The following GTF2F2 variants were observed in gnomAD, a reference collection of about 807,000 sequenced individuals.
GTF2F2 encodes general transcription factor IIF subunit 2.
GTF2F2 carries 23 observed loss-of-function variants against 42.2 expected under a neutral mutation model. The observed-to-expected ratio is 0.55, with a 90% CI of 0.39 to 0.77. GTF2F2 has a LOEUF of 0.77. Among genes scored for constraint, GTF2F2 ranks in the 30% least tolerant of loss-of-function variants. GTF2F2 has a pLI of 0.00. For missense variants in GTF2F2, 261 were observed against 287.2 expected (o/e 0.91, Z 0.66); for synonymous variants, 105 against 100.8 (o/e 1.04, Z -0.25).
intron 5 of GTF2F2, among the ~76,000 whole-genome samples, chr13:45,243,096 A>AT (rs1385615920): frequency 6.6e-6 from 1 of 152,236 alleles, no homozygotes; most frequent in African/African-American, 2.4e-5. Flanking sequence ...GTTTCTCGGT[A>AT]TCCCCAGGGG....
chr13:45,143,809 T>C (rs1236907136), intron 2 of GTF2F2, among the ~76,000 whole-genome samples: 1 of 152,228 alleles, frequency 6.6e-6, no homozygotes, highest in Non-Finnish European at 1.5e-5. Flanking sequence ...AGTCCAGTTG[T>C]GAATAAGATG....
intron 4 of GTF2F2, among the ~76,000 whole-genome samples, chr13:45,178,384 G>T (rs1871985279): frequency 6.9e-6 from 1 of 145,860 alleles, no homozygotes; most frequent in Non-Finnish European, 1.5e-5. Flanking sequence ...GTTCTTTTTT[G>T]AATCTGTGAC....
intron 4 of GTF2F2, among the ~76,000 whole-genome samples, chr13:45,189,881 A>G (rs1016760694): frequency 2.0e-5 from 3 of 152,136 alleles, no homozygotes; most frequent in Non-Finnish European, 2.9e-5. Flanking sequence ...GGTATTTGCA[A>G]TACTATTCAG....
Position 45,120,705 on chromosome 13 carries a change from G to C in GTF2F2, c.50G>C (p.Gly17Ala). The change falls in exon 1 of 8, where the codon GGA becomes GCA. Residue 17 changes from glycine to alanine, a missense_variant. By Grantham distance (60) the Gly-to-Ala change is moderately conservative. Coordinates refer to ENST00000340473, the MANE Select transcript of GTF2F2 (RefSeq NM_004128.3). The stretch of plus-strand genomic sequence containing the variant: ...TTGACCGGCGCCAAACAGAACACAG[G>C]AGTGTGGCTAGTCAAGGTAATGTTC... ...LDLTGAKQNTGVWLVKVPKYL... is the reference protein window; with the variant it reads ...LDLTGAKQNTAVWLVKVPKYL... 6.4e-7 allele frequency: 1 copy of C among 1,560,140 alleles called. No homozygotes were observed. Among genetic ancestry groups the C allele is most frequent in the Non-Finnish European group, 8.7e-7 (1 of 1,150,892 alleles).
intron 4 of GTF2F2, among the ~76,000 whole-genome samples, chr13:45,204,750 A>G (rs2138186650): frequency 6.6e-6 from 1 of 152,358 alleles, no homozygotes; most frequent in Admixed American, 6.5e-5. Flanking sequence ...GGAAGTGAAC[A>G]GAGATGTCAG....
chr13:45,208,582 C>T (rs541768609), intron 5 of GTF2F2, among the ~76,000 whole-genome samples: 3 of 152,244 alleles, frequency 2.0e-5, no homozygotes, highest in Non-Finnish European at 4.4e-5. Context: ...TACACTGAAT[C>T]GGTAGTGGAG....
chr13:45,254,126 AGAGAGT>A (rs1875996047), intron 6 of GTF2F2, among the ~76,000 whole-genome samples: 1 of 151,624 alleles, frequency 6.6e-6, no homozygotes. Context: ...AGATATTTTG[AGAGAGT>A]GAGAGAGAGA....
intron 1 of GTF2F2, among the ~76,000 whole-genome samples, chr13:45,129,598 T>C (rs1234418024): frequency 6.6e-6 from 1 of 152,236 alleles, no homozygotes; most frequent in African/African-American, 2.4e-5. Context: ...CCTAGGTATA[T>C]TCCAGTATTG....
intron 7 of GTF2F2, among the ~76,000 whole-genome samples, chr13:45,268,083 A>G (rs971245688): frequency 2.0e-5 from 3 of 152,150 alleles, no homozygotes; most frequent in Non-Finnish European, 4.4e-5. Context: ...TTCTTTTTCT[A>G]GTCTTTGAGT....
intron 4 of GTF2F2, among the ~76,000 whole-genome samples, chr13:45,198,382 G>T (rs1873008069): frequency 1.3e-5 from 2 of 152,206 alleles, no homozygotes; most frequent in Admixed American, 6.5e-5. Flanking sequence ...TTACCAGGAG[G>T]TTATCCCTCC....
chr13:45,233,871 C>T (rs551587212), intron 5 of GTF2F2, among the ~76,000 whole-genome samples: 46 of 152,204 alleles, frequency 3.0e-4, no homozygotes, highest in African/African-American at 1.0e-3. Flanking sequence ...CGAGATCATG[C>T]CACCGCACTC....
At chr13:45,242,526 ATATATT>A (rs1875369581) in intron 5 of GTF2F2, among the ~76,000 whole-genome samples, 1 of 152,126 alleles carries the variant, frequency 6.6e-6, no homozygotes, top group African/African-American at 2.4e-5. Context: ...TGCTGGAGTG[ATATATT>A]TATGTTTTTA....
intron 5 of GTF2F2, among the ~76,000 whole-genome samples, chr13:45,214,409 C>T (rs987625465): frequency 1.3e-5 from 2 of 152,114 alleles, no homozygotes; most frequent in African/African-American, 2.4e-5. Context: ...GAAATGATTT[C>T]TTTCATCAGA....
intron 4 of GTF2F2, among the ~76,000 whole-genome samples, chr13:45,199,803 C>T (rs1310904767): frequency 1.3e-5 from 2 of 152,164 alleles, no homozygotes; most frequent in Non-Finnish European, 2.9e-5. Context: ...AAGAGGGTCT[C>T]TGTTACCGTA....
In GTF2F2 at chr13:45,267,292, T is replaced by G. The variant is rs1431697492; in HGVS notation, c.546T>G (p.His182Gln). 2 of 1,611,502 alleles carry G rather than the reference T, an allele frequency of 1.2e-6. No individual in the cohort carries two copies. The highest frequency in any genetic ancestry group is 2.7e-5 in the African/African-American group (2 of 74,874). ...DGKRARADKQHVLDMLFSAFE... is the reference protein window; with the variant it reads ...DGKRARADKQQVLDMLFSAFE... The stretch of plus-strand genomic sequence containing the variant: ...AGCGAGCTCGAGCTGATAAACAACA[T>G]GTTTTAGACATGCTATTTTCAGCCT... The change falls in exon 7 of 8, where the codon CAT (histidine) becomes CAG (glutamine). Residue 182 changes from histidine to glutamine, a missense_variant. Transcript: ENST00000340473.
intron 5 of GTF2F2, chr13:45,220,937 ATGTGTGTGTGTGTGTG>A (rs145850282): frequency 3.5e-5 from 5 of 144,320 alleles, no homozygotes; most frequent in African/African-American, 7.6e-5. Flanking sequence ...CTTAAAATGT[ATGTGTGTGTGTGTGTG>A]TGTGTGTGTG....
chr13:45,149,213 T>C (rs1318091764), intron 2 of GTF2F2, among the ~76,000 whole-genome samples: 1 of 151,684 alleles, frequency 6.6e-6, no homozygotes, highest in African/African-American at 2.4e-5. Context: ...GGGAGGCTGA[T>C]TGTTTGGGGC....
intron 5 of GTF2F2, among the ~76,000 whole-genome samples, chr13:45,250,070 T>C (rs888987855): frequency 3.4e-5 from 5 of 147,992 alleles, no homozygotes; most frequent in Non-Finnish European, 7.5e-5. Context: ...TTTTTTTTTT[T>C]TTTTGAGACA....
At chr13:45,144,656 T>A (rs1870105673) in intron 2 of GTF2F2, among the ~76,000 whole-genome samples, 1 of 151,930 alleles carries the variant, frequency 6.6e-6, no homozygotes, top group African/African-American at 2.4e-5. Context: ...TTAGCCAGGT[T>A]GGTCTCGATC....
Sources: gnomAD v4.1 joint callset for allele counts (sites outside exome capture counted in the v4.1 genomes callset) on GRCh38, gnomAD v4.1.1 for gene constraint, MANE v1.5 for transcripts, NCBI Gene and HGNC (gene_info 2026-07-23, HGNC 2026-07-21) for gene names.